The following CREB5 variants were observed in gnomAD, a reference collection of about 807,000 sequenced individuals.
CREB5 encodes the protein cAMP responsive element binding protein 5, also known as cyclic AMP-responsive element-binding protein 5.
Under a neutral mutation model 57.1 loss-of-function variants are expected in CREB5, and 19 were observed. That is an observed-to-expected ratio of 0.33 (90% CI 0.23 to 0.49). The LOEUF (loss-of-function observed/expected upper bound fraction) is 0.49, where lower values mean the gene tolerates loss of function less well. CREB5 is among the 20% of genes least tolerant of loss of function. CREB5 has a pLI of 0.99. For synonymous variants in CREB5, 238 were observed against 238.3 expected, an observed-to-expected ratio of 1.00 and a Z score of 0.01; for missense variants, 579 against 671.6, an observed-to-expected ratio of 0.86 and a Z score of 1.52.
intron 1 of CREB5, among the ~76,000 whole-genome samples, chr7:28,313,029 G>A (rs531704216): frequency 5.3e-5 from 8 of 152,354 alleles, no homozygotes; most frequent in African/African-American, 1.9e-4. Context: ...GTTTAGGTCG[G>A]TGTTTCTCAA....
At chr7:28,407,870 C>T (rs1030134131), upstream of CREB5, among the ~76,000 whole-genome samples, 2 of 152,214 alleles carry the variant, frequency 1.3e-5, no homozygotes, top group African/African-American at 4.8e-5. Context: ...AGTCATGATT[C>T]TCTGGCAAAC....
intron 1 of CREB5, among the ~76,000 whole-genome samples, chr7:28,448,435 C>G (rs142268916): frequency 6.6e-6 from 1 of 152,176 alleles, no homozygotes; most frequent in Non-Finnish European, 1.5e-5. Context: ...TGTTGGAGAG[C>G]TCAGTTTGGC....
intron 1 of CREB5, among the ~76,000 whole-genome samples, chr7:28,430,820 T>C (rs1788681504): frequency 6.6e-6 from 1 of 152,180 alleles, no homozygotes; most frequent in African/African-American, 2.4e-5. Flanking sequence ...GGAATCTGGA[T>C]GTGGTTTCTT....
upstream of CREB5, among the ~76,000 whole-genome samples, chr7:28,408,957 TC>T (rs1401148559): frequency 7.0e-6 from 1 of 143,304 alleles, no homozygotes; most frequent in Non-Finnish European, 1.5e-5. Context: ...TCCCCACCTC[TC>T]CCCTACCCCC....
intron 4 of CREB5, among the ~76,000 whole-genome samples, chr7:28,556,377 G>A (rs1794877493): frequency 6.6e-6 from 1 of 152,110 alleles, no homozygotes; most frequent in Admixed American, 6.5e-5. Flanking sequence ...AGCCACGCTT[G>A]CCCGAGCTCA....
At chr7:28,598,767 C>T (rs556857886) in intron 5 of CREB5, among the ~76,000 whole-genome samples, 3 of 152,120 alleles carry the variant, frequency 2.0e-5, no homozygotes, top group South Asian at 2.1e-4. Context: ...TTAAGAAGAG[C>T]GGCATAGGTA....
intron 5 of CREB5, among the ~76,000 whole-genome samples, chr7:28,651,573 C>T (rs999703134): frequency 6.6e-6 from 1 of 152,096 alleles, no homozygotes; most frequent in Admixed American, 6.6e-5. Context: ...GAGACCCCAT[C>T]TCTACAAAAA....
At chr7:28,434,038 T>TC (rs938799749) in intron 1 of CREB5, among the ~76,000 whole-genome samples, 3 of 151,528 alleles carry the variant, frequency 2.0e-5, no homozygotes, top group Non-Finnish European at 4.4e-5. Flanking sequence ...AGAGGAAGAG[T>TC]TCAGGAGAGG....
intron 5 of CREB5, among the ~76,000 whole-genome samples, chr7:28,666,765 C>G (rs1234439581): frequency 6.6e-6 from 1 of 151,736 alleles, no homozygotes; most frequent in African/African-American, 2.4e-5. Flanking sequence ...CCTAGGAGTT[C>G]AAGACCAACC....
intron 5 of CREB5, among the ~76,000 whole-genome samples, chr7:28,654,237 C>A (rs1169698354): frequency 2.0e-5 from 3 of 152,140 alleles, no homozygotes; most frequent in African/African-American, 7.2e-5. Flanking sequence ...TTTCGGGAGT[C>A]GATACAGCTC....
In CREB5 at chr7:28,809,273, C is replaced by G; in HGVS notation, c.1113C>G (p.Asp371Glu). Residue 371 changes from aspartate (D) to glutamate (E), a missense_variant, in exon 9 of 11, where the codon GAC (aspartate) becomes GAG (glutamate). Physicochemically the swap from Asp to Glu is conservative, Grantham distance 45. Transcript: ENST00000357727. ...PTGGRRRRVVDEDPDERRRKF... is the reference protein window; with the variant it reads ...PTGGRRRRVVEEDPDERRRKF... ...GGGGGCGCCGGCGAAGGGTGGTAGA[C>G]GAGGATCCGGACGAGAGGCGGCGGA... The G allele has an allele frequency of 1.2e-6, 2 of 1,614,160 alleles. No individual in the cohort carries two copies. Among genetic ancestry groups the G allele is most frequent in the South Asian group, 2.2e-5 (2 of 91,084 alleles).
At chr7:28,713,132 A>C (rs1200155723) in intron 5 of CREB5, among the ~76,000 whole-genome samples, 1 of 152,094 alleles carries the variant, frequency 6.6e-6, no homozygotes, top group African/African-American at 2.4e-5. Flanking sequence ...AGCTCACTGC[A>C]TCCTTGACCT....
At chr7:28,819,073 G>A (rs1373303282) in intron 10 of CREB5, 43 bp from the exon 11 acceptor site, 3 of 1,576,950 alleles carry the variant, frequency 1.9e-6, no homozygotes, top group Non-Finnish European at 2.6e-6. Flanking sequence ...ACCTATATTG[G>A]TGTGTGTGTA....
chr7:28,517,398 C>G (rs537207028), intron 4 of CREB5, among the ~76,000 whole-genome samples: 3 of 152,236 alleles, frequency 2.0e-5, no homozygotes, highest in Admixed American at 2.0e-4. Context: ...ACTGGGATTC[C>G]GAGCATTCCT....
intron 1 of CREB5, among the ~76,000 whole-genome samples, chr7:28,385,410 C>T (rs1787068597): frequency 6.6e-6 from 1 of 152,126 alleles, no homozygotes; most frequent in Non-Finnish European, 1.5e-5. Flanking sequence ...GGCGTGGTGG[C>T]TCATGCTTGT....
chr7:28,305,894 GATATTTGTCTATACACCAAA>G, intron 1 of CREB5, among the ~76,000 whole-genome samples: 1 of 151,890 alleles, frequency 6.6e-6, no homozygotes, highest in Non-Finnish European at 1.5e-5. Context: ...AACCCATCCA[GATATTTGTCTATACACCAAA>G]AATAGTGTGT....
intron 1 of CREB5, among the ~76,000 whole-genome samples, chr7:28,369,987 CT>C (rs1390065877): frequency 1.3e-5 from 2 of 152,178 alleles, no homozygotes; most frequent in Admixed American, 6.5e-5. Context: ...CTAGCAGCTA[CT>C]TTTTTTTCCC....
At chr7:28,716,584 G>A (rs758361287) in intron 5 of CREB5, among the ~76,000 whole-genome samples, 23 of 152,016 alleles carry the variant, frequency 1.5e-4, no homozygotes, top group Non-Finnish European at 3.2e-4. Context: ...TAGGGAGTTC[G>A]GATTATTTAT....
At chr7:28,654,558 G>A (rs1435736671) in intron 5 of CREB5, among the ~76,000 whole-genome samples, 1 of 152,210 alleles carries the variant, frequency 6.6e-6, no homozygotes, top group Non-Finnish European at 1.5e-5. Context: ...CTGCAATTGA[G>A]ATGTCCTTTG....
Sources: gnomAD v4.1 joint callset for allele counts (sites outside exome capture counted in the v4.1 genomes callset) on GRCh38, gnomAD v4.1.1 for gene constraint, MANE v1.5 for transcripts, NCBI Gene and HGNC (gene_info 2026-07-23, HGNC 2026-07-21) for gene names.